The following DNAH7 variants were observed in gnomAD, a reference collection of about 807,000 sequenced individuals.
DNAH7 encodes the protein dynein axonemal heavy chain 7.
A neutral mutation model predicts 444.6 loss-of-function variants in DNAH7; 397 were observed. The observed-to-expected ratio is 0.89, with a 90% confidence interval of 0.82 to 0.97. The LOEUF (loss-of-function observed/expected upper bound fraction) is 0.97. Ranked by LOEUF, DNAH7 falls within the 50% of genes least tolerant of loss-of-function variation. DNAH7 has a pLI of 0.00. For synonymous variants in DNAH7, 1,636 were observed against 1,624.4 expected (o/e 1.01, Z -0.17); for missense variants, 4,902 against 4,800.8 (o/e 1.02, Z -0.62).
chr2:195,791,723 TA>T (rs961842594), intron 57 of DNAH7, among the ~76,000 whole-genome samples: 5 of 152,112 alleles, frequency 3.3e-5, no homozygotes, highest in African/African-American at 4.8e-5. Flanking sequence ...TATGCAGCCA[TA>T]AAAAAGAATG....
chr2:195,780,006 T>A (rs1695296812), intron 58 of DNAH7, among the ~76,000 whole-genome samples: 1 of 152,216 alleles, frequency 6.6e-6, no homozygotes. Flanking sequence ...TTTTAAAAAG[T>A]ATTTTATTAT....
intron 61 of DNAH7, among the ~76,000 whole-genome samples, chr2:195,762,188 G>A (rs1376651993): frequency 3.3e-5 from 5 of 152,020 alleles, no homozygotes; most frequent in African/African-American, 7.2e-5. Flanking sequence ...TTAAAATAAT[G>A]GGTTACAAGA....
intron 59 of DNAH7, among the ~76,000 whole-genome samples, chr2:195,777,042 T>G (rs1022280442): frequency 2.6e-5 from 4 of 152,174 alleles, no homozygotes; most frequent in Non-Finnish European, 4.4e-5. Flanking sequence ...CCTTTATCTA[T>G]ACCAACATCT....
At position 195,896,700 on chromosome 2, in the gene DNAH7, T is replaced by C. The variant is rs78324076; in HGVS notation, c.4647+967A>G. Among the ~76,000 whole-genome samples the C allele has an allele frequency of 2.2e-3, 331 of 152,282 alleles. 1 individual carries two copies. The highest frequency in any genetic ancestry group is 3.6e-3 in the Non-Finnish European group (243 of 68,000). On this transcript the variant is annotated intron_variant, in intron 29 of 64. Transcript: ENST00000312428. ...TGAAAATAAACATAGGTTTTACTCC[T>C]GGAAAATCTGTACAGTGCACCAGTA...
At chr2:196,013,067 T>C (rs891646421) in intron 9 of DNAH7, among the ~76,000 whole-genome samples, 161 bp from the exon 10 acceptor site, 10 of 152,110 alleles carry the variant, frequency 6.6e-5, no homozygotes, top group African/African-American at 2.2e-4. Flanking sequence ...ATTCTAATTT[T>C]AAAAATAATT....
At chr2:195,783,272 G>A (rs183440065) in intron 58 of DNAH7, among the ~76,000 whole-genome samples, 34 of 152,284 alleles carry the variant, frequency 2.2e-4, no homozygotes, top group African/African-American at 7.9e-4. Context: ...TTATCTGCCT[G>A]GGTTATCATG....
intron 20 of DNAH7, 53 bp from the exon 21 acceptor site, chr2:195,934,842 C>T (rs887853629): frequency 1.3e-5 from 21 of 1,582,696 alleles, no homozygotes; most frequent in Non-Finnish European, 1.6e-5. Context: ...CAATTCTTTA[C>T]ACTCCAGAGT....
rs752188539 is a variant in DNAH7 at position 195,923,722 on chromosome 2, C to T, written c.3698G>A (p.Arg1233His). 1.2e-5 allele frequency: 20 copies of T among 1,613,900 alleles called. No individual in the cohort carries two copies. The highest frequency in any genetic ancestry group is 1.6e-4 in the Middle Eastern group (1 of 6,084). The change falls in exon 23 of 65, where the codon CGC becomes CAC. Residue 1233 changes from arginine to histidine, a missense_variant. Coordinates refer to ENST00000312428, the MANE Select transcript of DNAH7 (RefSeq NM_018897.3). ...TACCACAAGTGCTCCCAGAGTTACG[C>T]GATTCTGCATGGACAATTTGCCACG... ...LVRGKLSMQN[R>H]VTLGALVVLD...
At chr2:195,911,952 G>A (rs1461025783) in intron 24 of DNAH7, among the ~76,000 whole-genome samples, 1 of 152,174 alleles carries the variant, frequency 6.6e-6, no homozygotes, top group Non-Finnish European at 1.5e-5. Context: ...TATATTAATA[G>A]TAAAAAATAT....
chr2:195,855,933 T>C lies in DNAH7; in HGVS notation c.8473A>G (p.Lys2825Glu), dbSNP rs1699678051. ...TTTCTAAGACCATCCATGGCAATTT[T>C]AAGCTCCCCTTCAGCTGCAGCCAGT... The part of the protein sequence containing the change: ...IKLAAAEGEL[K>E]IAMDGLRKKQ... The change falls in exon 45 of 65, where the codon AAA becomes GAA. Residue 2825 changes from lysine (K) to glutamate (E), a missense_variant. Transcript: ENST00000312428. 6.2e-7 allele frequency: 1 copy of C among 1,613,926 alleles called. No homozygotes were observed. The highest frequency in any genetic ancestry group is 8.5e-7 in the Non-Finnish European group (1 of 1,179,948).
intron 40 of DNAH7, 144 bp downstream of exon 40, chr2:195,872,106 T>C (rs555871860): frequency 1.4e-5 from 9 of 624,846 alleles, no homozygotes; most frequent in Non-Finnish European, 2.1e-5. Flanking sequence ...ATTTTTAAAA[T>C]TTTTCTGAAC....
chr2:195,949,680 C>T (rs951842106), intron 19 of DNAH7, among the ~76,000 whole-genome samples: 6 of 152,056 alleles, frequency 3.9e-5, no homozygotes, highest in African/African-American at 1.4e-4. Context: ...TGTCTTGTGC[C>T]GGTTTTTCAG....
rs1486391473 is a variant in DNAH7, at chr2:195,756,244, G to A, written c.11475C>T (p.Ser3825=). Reference sequence around the variant, plus strand: ...CTGGAATTTTGACATTCAAAATGCTGCTAACCACTTCTTCAAGATCTGTAG... The same window carrying A: ...CTGGAATTTTGACATTCAAAATGCTACTAACCACTTCTTCAAGATCTGTAG... ...VMSTDLEEVV[S]SILNVKIPEM... The change falls in exon 62 of 65, where the codon AGC becomes AGT. Residue 3825 remains serine, a synonymous_variant. Transcript: ENST00000312428. 8 of 1,613,474 alleles carry A rather than the reference G, an allele frequency of 5.0e-6. No homozygotes were observed. Among genetic ancestry groups the A allele is most frequent in the African/African-American group, 4.0e-5 (3 of 74,864 alleles).
At position 195,936,670 on chromosome 2, in the gene DNAH7, A is replaced by G; in HGVS notation, c.3201T>C (p.Phe1067=). 1.2e-6 allele frequency: 2 copies of G among 1,605,454 alleles called. No individual in the cohort carries two copies. The highest frequency in any genetic ancestry group is 1.7e-6 in the Non-Finnish European group (2 of 1,177,062). ...LNEYLEKKRL[F]FPRFFFLSND... Reference sequence around the variant, plus strand: ...TGGACAAAAAAAAGAATCTGGGGAAAAAGAGGCGTTTCTTTTCCAAATATT... The same window carrying G: ...TGGACAAAAAAAAGAATCTGGGGAAGAAGAGGCGTTTCTTTTCCAAATATT... The change falls in exon 20 of 65, where the codon TTT becomes TTC. Residue 1067 remains phenylalanine (F), a synonymous_variant. Coordinates refer to ENST00000312428, the MANE Select transcript of DNAH7 (RefSeq NM_018897.3).
intron 19 of DNAH7, among the ~76,000 whole-genome samples, chr2:195,948,653 C>A (rs150094005): frequency 0.011 from 1,677 of 152,224 alleles, 33 homozygotes; most frequent in African/African-American, 0.037. Flanking sequence ...TGGTCTATAT[C>A]TCTGTTTTGG....
At chr2:195,749,823 G>A (rs1693676946) in intron 63 of DNAH7, among the ~76,000 whole-genome samples, 1 of 146,776 alleles carries the variant, frequency 6.8e-6, no homozygotes, top group African/African-American at 2.5e-5. Context: ...CACACTCTGG[G>A]GACTGTTGTG....
At chr2:195,902,823 AT>A (rs1287659986) in intron 27 of DNAH7, 1 of 152,180 alleles carries the variant, frequency 6.6e-6, no homozygotes, top group Non-Finnish European at 1.5e-5. Flanking sequence ...TGATTGAAAT[AT>A]TTTTTAAGCC....
At chr2:195,790,904 A>G (rs1334313955) in intron 57 of DNAH7, among the ~76,000 whole-genome samples, 2 of 152,188 alleles carry the variant, frequency 1.3e-5, no homozygotes, top group African/African-American at 4.8e-5. Context: ...GTAAAAAGAC[A>G]ACCTTCAGAA....
chr2:195,844,808 T>G (rs1244077607), intron 47 of DNAH7, among the ~76,000 whole-genome samples, 194 bp downstream of exon 47: 1 of 152,170 alleles, frequency 6.6e-6, no homozygotes, highest in African/African-American at 2.4e-5. Flanking sequence ...GGTTCATTTG[T>G]TTACTACAGT....
Sources: allele counts gnomAD v4.1 joint callset (sites outside exome capture counted in the v4.1 genomes callset), GRCh38; gene constraint gnomAD v4.1.1; transcripts MANE v1.5; gene names NCBI Gene and HGNC (gene_info 2026-07-23, HGNC 2026-07-21).